RGS7: variants seen among roughly 807,000 people sequenced by gnomAD.
RGS7 encodes regulator of G-protein signaling 7.
RGS7 carries 27 observed loss-of-function variants against 81.1 expected under a neutral mutation model. The observed-to-expected ratio is 0.33, with a 90% CI of 0.25 to 0.46. RGS7 has a LOEUF of 0.46. Among genes scored for constraint, RGS7 ranks in the 20% least tolerant of loss-of-function variants. RGS7 has a pLI of 1.00. For synonymous variants in RGS7, 208 were observed against 207.7 expected, an observed-to-expected ratio of 1.00 and a Z score of -0.01; for missense variants, 396 against 607.4, an observed-to-expected ratio of 0.65 and a Z score of 3.66.
intron 9 of RGS7, among the ~76,000 whole-genome samples, chr1:240,856,988 T>C (rs1661253607): frequency 6.6e-6 from 1 of 152,184 alleles, no homozygotes; most frequent in South Asian, 2.1e-4. Context: ...CTTTGTATTT[T>C]ACTTCAAGGT....
intron 3 of RGS7, among the ~76,000 whole-genome samples, chr1:240,994,800 T>G (rs115023057): frequency 0.011 from 1,743 of 152,192 alleles, 31 homozygotes; most frequent in African/African-American, 0.04. Flanking sequence ...ACTATTATTA[T>G]TTGAGACTGT....
intron 4 of RGS7, among the ~76,000 whole-genome samples, chr1:240,943,005 T>TA (rs1048533633): frequency 7.9e-5 from 12 of 151,984 alleles, no homozygotes; most frequent in South Asian, 6.2e-4. Context: ...TTCATCTTTT[T>TA]AAAAAAAACA....
intron 2 of RGS7, among the ~76,000 whole-genome samples, chr1:241,302,473 C>T (rs899232411): frequency 6.6e-6 from 1 of 152,054 alleles, no homozygotes. Flanking sequence ...GGCCTGAACC[C>T]GGGAGGCGGA....
chr1:241,000,707 C>T (rs184472853), intron 3 of RGS7, among the ~76,000 whole-genome samples: 9 of 151,710 alleles, frequency 5.9e-5, no homozygotes, highest in African/African-American at 1.2e-4. Context: ...AGTTTAATGG[C>T]GCAATCTCAG....
chr1:240,775,962 A>G lies in RGS7; in HGVS notation c.*258T>C, dbSNP rs1338488752. On this transcript the variant is annotated 3_prime_UTR_variant, in exon 19 of 19. Coordinates refer to ENST00000440928, the MANE Select transcript of RGS7 (RefSeq NM_001364886.1). ...CACAGATCCAGCATAGTAGAAGGAG[A>G]AAGAAAGCAGACAACAGTTTGGAAT... is the stretch of plus-strand genomic sequence containing the variant. 1 of 598,988 alleles carries G rather than the reference A, an allele frequency of 1.7e-6. No individual in the cohort carries two copies. The highest frequency in any genetic ancestry group is 3.1e-6 in the Non-Finnish European group (1 of 326,184). The allele number at this position is 598,988 out of a possible 1,614,324, so 37.1% of individuals were successfully genotyped here.
chr1:240,844,486 G>A (rs557027771), intron 9 of RGS7, among the ~76,000 whole-genome samples: 10 of 152,090 alleles, frequency 6.6e-5, no homozygotes, highest in Non-Finnish European at 1.3e-4. Flanking sequence ...TTGAAAAGTC[G>A]CCAATCCACA....
chr1:241,129,610 C>T (rs1475280847), intron 2 of RGS7, among the ~76,000 whole-genome samples: 1 of 152,068 alleles, frequency 6.6e-6, no homozygotes, highest in Non-Finnish European at 1.5e-5. Context: ...CAATAATCAC[C>T]GGCAGAGAGA....
At chr1:241,045,871 G>C (rs899662196) in intron 3 of RGS7, among the ~76,000 whole-genome samples, 1 of 152,076 alleles carries the variant, frequency 6.6e-6, no homozygotes. Flanking sequence ...AAGGCAAAGG[G>C]GCCCTGGAGT....
At chr1:241,145,747 TAAAC>T (rs946415377) in intron 2 of RGS7, among the ~76,000 whole-genome samples, 2 of 152,066 alleles carry the variant, frequency 1.3e-5, no homozygotes, top group African/African-American at 2.4e-5. Context: ...CTGTCCAAAA[TAAAC>T]AAACAAATAA....
chr1:241,057,777 T>A (rs1035832493), intron 3 of RGS7, among the ~76,000 whole-genome samples: 1 of 152,102 alleles, frequency 6.6e-6, no homozygotes, highest in Admixed American at 6.6e-5. Flanking sequence ...CTAGGCACAG[T>A]GGCATGCGCC....
intron 2 of RGS7, among the ~76,000 whole-genome samples, chr1:241,232,610 T>C (rs760578769): frequency 2.0e-5 from 3 of 151,996 alleles, no homozygotes; most frequent in Non-Finnish European, 2.9e-5. Flanking sequence ...TTTTCAAAGT[T>C]GCTTGGCTGT....
intron 2 of RGS7, among the ~76,000 whole-genome samples, chr1:241,281,790 C>T (rs985885482): frequency 1.3e-5 from 2 of 152,092 alleles, no homozygotes; most frequent in African/African-American, 2.4e-5. Context: ...ACAAAATATG[C>T]TTTAATCAAC....
intron 3 of RGS7, among the ~76,000 whole-genome samples, chr1:241,050,254 G>A (rs1488246990): frequency 7.9e-6 from 1 of 126,252 alleles, no homozygotes; most frequent in African/African-American, 3.0e-5. Flanking sequence ...GGGTGCCTGA[G>A]GGGTGGCTAT....
At chr1:241,146,622 A>G (rs140833525) in intron 2 of RGS7, among the ~76,000 whole-genome samples, 159 of 152,336 alleles carry the variant, frequency 1.0e-3, no homozygotes, top group Admixed American at 5.4e-3. Context: ...AACCTACTCT[A>G]TATGGCAAAG....
rs549681535 is a variant in RGS7 at position 241,118,397 on chromosome 1, G to A, written c.79-19635C>T. Among the ~76,000 whole-genome samples the A allele has an allele frequency of 6.1e-4, 93 of 152,172 alleles. 2 individuals carry two copies. The highest frequency in any genetic ancestry group is 2.3e-3 in the South Asian group (11 of 4,810). On this transcript the variant is annotated intron_variant, in intron 2 of 18. Coordinates refer to ENST00000440928, the MANE Select transcript of RGS7 (RefSeq NM_001364886.1). ...AACCTCATAGTTTTAAAACTTTTTCGTCTCAGGACAACTTTACACTTTTAA... is the reference window on the plus strand; with the variant it reads ...AACCTCATAGTTTTAAAACTTTTTCATCTCAGGACAACTTTACACTTTTAA...
intron 3 of RGS7, among the ~76,000 whole-genome samples, chr1:241,033,455 G>A (rs1438219158): frequency 1.3e-5 from 2 of 151,774 alleles, no homozygotes; most frequent in African/African-American, 4.8e-5. Flanking sequence ...AAAATGAAAT[G>A]AAAAATATAA....
chr1:240,837,775 A>G (rs1195810713), intron 9 of RGS7, among the ~76,000 whole-genome samples: 1 of 152,238 alleles, frequency 6.6e-6, no homozygotes, highest in Non-Finnish European at 1.5e-5. Flanking sequence ...ACACAGTGCT[A>G]TTGTTAGTAC....
chr1:241,221,415 C>T (rs949061400), intron 2 of RGS7, among the ~76,000 whole-genome samples: 1 of 152,166 alleles, frequency 6.6e-6, no homozygotes, highest in Admixed American at 6.5e-5. Flanking sequence ...TGAACATTTC[C>T]CAGCTTCCTT....
At chr1:240,785,140 T>G (rs1396579721) in intron 18 of RGS7, among the ~76,000 whole-genome samples, 2 of 152,182 alleles carry the variant, frequency 1.3e-5, no homozygotes, top group African/African-American at 4.8e-5. Context: ...TGTTGAAAAT[T>G]CCCGTTTCAC....
Sources: allele counts gnomAD v4.1 joint callset (sites outside exome capture counted in the v4.1 genomes callset), GRCh38; gene constraint gnomAD v4.1.1; transcripts MANE v1.5; gene names NCBI Gene and HGNC (gene_info 2026-07-23, HGNC 2026-07-21).